The following NBPF12 variants were observed in gnomAD, a reference collection of about 807,000 sequenced individuals.
NBPF12 encodes the protein NBPF member 12.
Under a neutral mutation model 146.4 loss-of-function variants are expected in NBPF12, and 115 were observed. The observed-to-expected ratio is 0.79, with a 90% CI of 0.68 to 0.92. The LOEUF is 0.92. Among genes scored for constraint, NBPF12 ranks in the 40% least tolerant of loss-of-function variants. The pLI is 0.00. For synonymous variants in NBPF12, 385 were observed against 508.9 expected (o/e 0.76, Z 3.28); for missense variants, 1,205 against 1,326.8 (o/e 0.91, Z 1.43).
At chr1:146,974,893 A>C (rs1656881241) in intron 15 of NBPF12, 52 bp downstream of exon 18, 1 of 1,094,292 alleles carries the variant, frequency 9.1e-7, no homozygotes, top group South Asian at 1.3e-5. Context: ...AAATCTCTGA[A>C]GTACAGTAGC....
At chr1:146,944,984 C>T (rs1218762555), upstream of NBPF12, among the ~76,000 whole-genome samples, 3 of 47,072 alleles carry the variant, frequency 6.4e-5, no homozygotes, top group Admixed American at 2.3e-4. Flanking sequence ...CCCTCCCTGC[C>T]TTCCTTCCTC....
At chr1:146,969,573 A>C in exon 11 of NBPF12, 2 of 1,609,538 alleles carry the variant, frequency 1.2e-6, no homozygotes, top group Non-Finnish European at 1.7e-6. Flanking sequence ...CTGGCACAGC[A>C]CCTTGTCCAA....
upstream of NBPF12, among the ~76,000 whole-genome samples, chr1:146,945,010 TCCTCCCTCCCTC>T (rs1476495925): frequency 5.5e-5 from 1 of 18,198 alleles, no homozygotes; most frequent in African/African-American, 2.3e-4. Context: ...CTCCCTTCCT[TCCTCCCTCCCTC>T]CCTTCCTTCC....
At chr1:146,972,867 C>T (rs1656744613) in exon 14 of NBPF12, 2 of 1,217,438 alleles carry the variant, frequency 1.6e-6, no homozygotes, top group Non-Finnish European at 2.4e-6. Flanking sequence ...GCGCCCCCAG[C>T]TGGCAGAGAA....
At chr1:146,990,062 T>A (rs1658056363) in intron 28 of NBPF12, among the ~76,000 whole-genome samples, 1 of 114,466 alleles carries the variant, frequency 8.7e-6, no homozygotes, top group African/African-American at 3.3e-5. Context: ...CTTGTAGATT[T>A]CATCCTTCAC....
chr1:146,961,882 C>T (rs1655873319), intron 4 of NBPF12, among the ~76,000 whole-genome samples: 1 of 152,084 alleles, frequency 6.6e-6, no homozygotes, highest in South Asian at 2.1e-4. Context: ...AGTCAGACCT[C>T]AGGGGCTGTG....
chr1:146,938,540 C>A (rs1654635644), upstream of NBPF12, among the ~76,000 whole-genome samples: 1 of 152,120 alleles, frequency 6.6e-6, no homozygotes, highest in African/African-American at 2.4e-5. Context: ...TGCGCTCCGT[C>A]CTCCATTACT....
intron 19 of NBPF12, among the ~76,000 whole-genome samples, chr1:146,982,352 C>T (rs1251124613): frequency 2.0e-5 from 3 of 149,738 alleles, no homozygotes; most frequent in Non-Finnish European, 4.4e-5. Context: ...GAAGTCCACT[C>T]CAGACCCTCA....
chr1:146,951,235 G>A, intron 1 of NBPF12, 113 bp from the exon 5 acceptor site: 1 of 657,130 alleles, frequency 1.5e-6, no homozygotes, highest in Non-Finnish European at 2.7e-6. Flanking sequence ...AGGCCACACA[G>A]GGCACTCAAG....
intron 1 of NBPF12, among the ~76,000 whole-genome samples, chr1:146,942,214 C>CTTGG (rs1337240959): frequency 1.3e-5 from 2 of 151,686 alleles, no homozygotes; most frequent in Admixed American, 1.3e-4. Context: ...GTTTCAAACA[C>CTTGG]TTGGGCTCAG....
In NBPF12 at chr1:146,961,348, G is replaced by T. The variant is rs1183612526; in HGVS notation, c.176-813G>T. 3.3e-5 allele frequency among the ~76,000 whole-genome samples: 5 copies of T among 149,818 alleles called. No individual in the cohort carries two copies. In the South Asian group the frequency reaches 1.1e-3, roughly 32 times the overall value. On this transcript the variant is annotated intron_variant, in intron 4 of 33. Transcript: ENST00000617844. ...CTGTCTCCTGGGCTCCATCCAAGTT[G>T]CTTGTCTTGTCTGTCCCTCAGTTTC...
intron 32 of NBPF12, 134 bp downstream of exon 35, chr1:146,993,018 T>G: frequency 2.2e-6 from 1 of 461,560 alleles, no homozygotes; most frequent in East Asian, 3.4e-5. Context: ...ACATGTAGGT[T>G]GAATGAAACT....
intron 13 of NBPF12, among the ~76,000 whole-genome samples, chr1:146,971,948 C>T (rs1553886551): frequency 0.013 from 1,994 of 148,110 alleles, 141 homozygotes; most frequent in African/African-American, 0.047. Context: ...ATTAGCTGGG[C>T]GCGGTGTTGG....
chr1:146,947,272 T>C (rs1308870160), upstream of NBPF12, among the ~76,000 whole-genome samples: 1 of 151,720 alleles, frequency 6.6e-6, no homozygotes, highest in Non-Finnish European at 1.5e-5. Context: ...GTCAATATCA[T>C]TTAAGTGCTC....
At chr1:146,943,513 A>G in exon 2 of NBPF12, 2 of 1,453,622 alleles carry the variant, frequency 1.4e-6, no homozygotes, top group Non-Finnish European at 1.9e-6. Flanking sequence ...GTGCACCAAG[A>G]GCAGCCTCAC....
chr1:146,982,438 C>T (rs1265894381), intron 19 of NBPF12, among the ~76,000 whole-genome samples: 9 of 150,368 alleles, frequency 6.0e-5, no homozygotes, highest in African/African-American at 2.2e-4. Flanking sequence ...TGCTTTCTTC[C>T]CATTTGTTGG....
chr1:146,965,626 C>G lies in NBPF12; in HGVS notation c.778+522C>G, dbSNP rs1553885523. On this transcript the variant is annotated intron_variant, in intron 8 of 33. Transcript: ENST00000617844. Reference sequence around the variant, plus strand: ...TGAAACCCCGTCTTTACTAAAAATACAAAAAAAAAAAAAAAATTAGCTGGG... The same window carrying G: ...TGAAACCCCGTCTTTACTAAAAATAGAAAAAAAAAAAAAAAATTAGCTGGG... Among the ~76,000 whole-genome samples the G allele has an allele frequency of 1.0e-4, 12 of 117,976 alleles. No homozygotes were observed. The South Asian group carries it at 3.1e-3, about 31-fold the overall frequency. 77.4% of individuals were successfully genotyped at this position (117,976 alleles called of 152,430 possible).
intron 8 of NBPF12, among the ~76,000 whole-genome samples, chr1:146,966,148 G>A (rs1656192793): frequency 6.6e-6 from 1 of 151,988 alleles, no homozygotes; most frequent in South Asian, 2.1e-4. Flanking sequence ...AATTAAAAAA[G>A]CAAAATGAAA....
At chr1:146,948,176 A>G (rs1363135045), upstream of NBPF12, among the ~76,000 whole-genome samples, 4 of 151,692 alleles carry the variant, frequency 2.6e-5, no homozygotes, top group African/African-American at 9.7e-5. Flanking sequence ...ACACCTGGCT[A>G]ATGTTTGTAT....
Sources: allele counts gnomAD v4.1 joint callset (sites outside exome capture counted in the v4.1 genomes callset), GRCh38; gene constraint gnomAD v4.1.1; transcripts MANE v1.5; gene names NCBI Gene and HGNC (gene_info 2026-07-23, HGNC 2026-07-21).